Variants in ELFN1 observed in about 807,000 individuals in gnomAD.
The protein encoded by ELFN1 is extracellular leucine rich repeat and fibronectin type III domain containing 1, also known as protein ELFN1.
In ELFN1, 6 loss-of-function variants were observed where a neutral mutation model predicts 7.6. The observed-to-expected ratio is 0.79, with a 90% confidence interval of 0.43 to 1.56. The LOEUF is 1.56. ELFN1 is among the 40% of genes most tolerant of loss of function. The pLI is 0.01. For missense variants in ELFN1, 1,169 were observed against 1,232.2 expected (o/e 0.95, Z 0.77); for synonymous variants, 657 against 588.1 (o/e 1.12, Z -1.70).
chr7:1,685,386 A>C (rs149263719), intron 1 of ELFN1, among the ~76,000 whole-genome samples: 147 of 152,256 alleles, frequency 9.7e-4, no homozygotes, highest in South Asian at 5.2e-3. Context: ...TTATTTCTTC[A>C]AATCTTATTC....
chr7:1,707,926 C>T (rs1416151389), intron 2 of ELFN1, among the ~76,000 whole-genome samples: 1 of 152,262 alleles, frequency 6.6e-6, no homozygotes, highest in African/African-American at 2.4e-5. Context: ...ACAGACAGAC[C>T]GGGGGGCCCC....
At chr7:1,707,992 C>T (rs767680550) in intron 2 of ELFN1, among the ~76,000 whole-genome samples, 7 of 152,162 alleles carry the variant, frequency 4.6e-5, no homozygotes, top group South Asian at 4.1e-4. Flanking sequence ...GGCGCGGATG[C>T]GGCAGAGCCC....
rs1344047018 is a variant in ELFN1 at position 1,695,950 on chromosome 7, C to T, written c.-456+7800C>T. Among the ~76,000 whole-genome samples, 1 of 152,114 alleles carries T rather than the reference C, an allele frequency of 6.6e-6. No individual in the cohort carries two copies. The highest frequency in any genetic ancestry group is 1.5e-5 in the Non-Finnish European group (1 of 68,032). On this transcript the variant is annotated intron_variant, in intron 2 of 3. Transcript: ENST00000424383. This position sits in a 1 kb window ranked among gnomAD's most constrained non-coding sequence, Gnocchi z 5.1. Reference sequence around the variant, plus strand: ...CCAGGCTGGTTTAGATGTGGGGGCACAGCAGTGAGCAGGGCAGACCTGACT... The same window carrying T: ...CCAGGCTGGTTTAGATGTGGGGGCATAGCAGTGAGCAGGGCAGACCTGACT...
upstream of ELFN1, among the ~76,000 whole-genome samples, chr7:1,667,758 C>T (rs1467179874): frequency 6.6e-6 from 1 of 152,144 alleles, no homozygotes; most frequent in Non-Finnish European, 1.5e-5. The surrounding 1 kb of genome is among the most constrained non-coding windows in gnomAD (Gnocchi z 8.2). Flanking sequence ...CCAGCTTCAC[C>T]GCCGCGTCCT....
intron 3 of ELFN1, among the ~76,000 whole-genome samples, chr7:1,722,425 C>G (rs917261116): frequency 2.6e-5 from 4 of 152,042 alleles, no homozygotes; most frequent in Non-Finnish European, 5.9e-5. Flanking sequence ...TGCCACCACG[C>G]CTGGCTAATT....
Position 1,705,462 on chromosome 7 carries a change from G to A in ELFN1, c.-455-3629G>A, listed in dbSNP as rs142115534. ...GGAGGAGGAGGAGCTCCCCCCAACC[G>A]CCAGGGTGCCAGGGGAGTGAGTCCA... On this transcript the variant is annotated intron_variant, in intron 2 of 3. Transcript: ENST00000424383. This position sits in a 1 kb window ranked among gnomAD's most constrained non-coding sequence, Gnocchi z 4.3. Among the ~76,000 whole-genome samples the A allele has an allele frequency of 3.3e-3, 499 of 152,304 alleles. 2 individuals are homozygous for A. The highest frequency in any genetic ancestry group is 0.011 in the African/African-American group (473 of 41,570).
intron 2 of ELFN1, among the ~76,000 whole-genome samples, chr7:1,703,450 C>T (rs1458366469): frequency 6.6e-6 from 1 of 152,126 alleles, no homozygotes; most frequent in African/African-American, 2.4e-5. Context: ...AAGCCTGTTT[C>T]CCTCCTGAGA....
rs565254124 is a variant in ELFN1, at chr7:1,697,970, C to T, written c.-456+9820C>T. On this transcript the variant is annotated intron_variant, in intron 2 of 3. Transcript: ENST00000424383. ...GGGCTGGGGCCAGGCCTGGGCTTCC[C>T]GCAGAGCCGGCCGGCGGGCGGGCGC... Among the ~76,000 whole-genome samples, 40 of 152,254 alleles carry T rather than the reference C, an allele frequency of 2.6e-4. No individual in the cohort carries two copies. The East Asian group carries it at 2.7e-3, about 10-fold the overall frequency.
Position 1,747,182 on chromosome 7 carries a change from T to C in ELFN1, c.*99T>C, listed in dbSNP as rs76371074. On this transcript the variant is annotated 3_prime_UTR_variant, in exon 4 of 4. Transcript: ENST00000424383. ...AACACACGCACGCCACCACAGCAAC[T>C]GTGACAGCGGGGGGCCCTGCAGAGG... The C allele has an allele frequency of 0.091, 118,629 of 1,306,860 alleles. 5,809 individuals carry two copies. Among genetic ancestry groups the C allele is most frequent in the South Asian group, 0.13 (7,454 of 56,266 alleles). The allele number at this position is 1,306,860 out of a possible 1,614,324, so 81.0% of individuals were successfully genotyped here. A position where few individuals can be genotyped will look rare whatever the true frequency, so the allele number is the denominator to read the frequency against.
At chr7:1,712,324 G>A (rs1322283730) in intron 3 of ELFN1, among the ~76,000 whole-genome samples, 3 of 152,212 alleles carry the variant, frequency 2.0e-5, no homozygotes, top group East Asian at 1.9e-4. Flanking sequence ...GTTTCACCCC[G>A]TTAGCCAGGG....
At chr7:1,713,964 G>A (rs1305420644) in intron 3 of ELFN1, among the ~76,000 whole-genome samples, 2 of 152,074 alleles carry the variant, frequency 1.3e-5, no homozygotes, top group East Asian at 1.9e-4. Flanking sequence ...TTGAGCCGCC[G>A]TCCAGAGATC....
intron 1 of ELFN1, among the ~76,000 whole-genome samples, chr7:1,674,636 C>G (rs557926337): frequency 2.3e-4 from 35 of 152,238 alleles, no homozygotes; most frequent in Admixed American, 8.5e-4. Context: ...GACGGTGACC[C>G]CCCCGCCCTC....
In ELFN1 at chr7:1,745,845, C is replaced by T. The variant is rs1314915170; in HGVS notation, c.1249C>T (p.His417Tyr). The change falls in exon 4 of 4, where the codon CAC becomes TAC. Residue 417 changes from histidine to tyrosine, a missense_variant. Around this residue, in one of 2 missense-constraint regions of ELFN1, gnomAD observed 914 missense variants for 872.6 expected, o/e 1.05. Transcript: ENST00000424383. ...GGTGCCCAGCCCCTCCACGGCCACC[C>T]ACTACATCATGACCATCCTGGGCTG... Reference protein sequence around the residue: ...GPVPSPSTATHYIMTILGCLF... With the variant: ...GPVPSPSTATYYIMTILGCLF... 6.3e-7 allele frequency: 1 copy of T among 1,585,982 alleles called. No homozygotes were observed. Among genetic ancestry groups the T allele is most frequent in the Non-Finnish European group, 8.6e-7 (1 of 1,168,028 alleles).
intron 1 of ELFN1, among the ~76,000 whole-genome samples, chr7:1,686,311 G>GTTCTTTT (rs1554247072): frequency 8.8e-6 from 1 of 113,964 alleles, no homozygotes. Flanking sequence ...GTTTGTCCTT[G>GTTCTTTT]TTTTTTTTTT....
chr7:1,721,002 G>A (rs1018309547), intron 3 of ELFN1, among the ~76,000 whole-genome samples: 1 of 152,168 alleles, frequency 6.6e-6, no homozygotes, highest in Non-Finnish European at 1.5e-5. Flanking sequence ...AAATGAGAAT[G>A]ATCAGAAGAC....
At chr7:1,737,362 C>T (rs984622569) in intron 3 of ELFN1, among the ~76,000 whole-genome samples, 2 of 152,072 alleles carry the variant, frequency 1.3e-5, no homozygotes, top group African/African-American at 4.8e-5. Flanking sequence ...GAGATGAACA[C>T]GGACCCTCCT....
intron 3 of ELFN1, among the ~76,000 whole-genome samples, chr7:1,727,463 C>T (rs900292926): frequency 2.0e-5 from 3 of 152,092 alleles, no homozygotes; most frequent in Non-Finnish European, 4.4e-5. Context: ...AGTCTTGGGA[C>T]CTTCAGTAGT....
At chr7:1,676,090 G>T (rs1323121282) in intron 1 of ELFN1, among the ~76,000 whole-genome samples, 6 of 152,212 alleles carry the variant, frequency 3.9e-5, no homozygotes, top group African/African-American at 1.4e-4. Context: ...AAAGGTGGCA[G>T]CTGGTTCCTA....
At chr7:1,703,245 T>C (rs1438297933) in intron 2 of ELFN1, among the ~76,000 whole-genome samples, 1 of 152,244 alleles carries the variant, frequency 6.6e-6, no homozygotes, top group African/African-American at 2.4e-5. Context: ...GATGTCTCCC[T>C]AATCAATTTG....
Sources: allele counts gnomAD v4.1 joint callset (sites outside exome capture counted in the v4.1 genomes callset), GRCh38; gene constraint gnomAD v4.1.1; regional missense constraint gnomAD v4.1.1; non-coding constraint Gnocchi (gnomAD v3.1); transcripts MANE v1.5; gene names NCBI Gene and HGNC (gene_info 2026-07-23, HGNC 2026-07-21).